Variants in CASK observed in about 807,000 individuals in gnomAD.
CASK encodes peripheral plasma membrane protein CASK.
A neutral mutation model predicts 82.9 loss-of-function variants in CASK; 4 were observed. That is an observed-to-expected ratio of 0.05 (90% CI 0.02 to 0.11). CASK has a LOEUF of 0.11. Ranked by LOEUF, CASK falls within the 10% of genes least tolerant of loss-of-function variation. The pLI, the probability that CASK is intolerant of heterozygous loss-of-function variation, is 1.00. For synonymous variants in CASK, 259 were observed against 253.5 expected (o/e 1.02, Z -0.20); for missense variants, 358 against 720.9 (o/e 0.50, Z 5.76).
intron 5 of CASK, chrX:41,726,868 G>A (rs1440097428): frequency 1.8e-5 from 6 of 339,636 alleles, no homozygotes; most frequent in Admixed American, 5.4e-5. Context: ...ATACTTTCCC[G>A]TTCCATCCAA....
At chrX:41,622,720 A>G (rs752765464) in intron 10 of CASK, 86 bp from the exon 11 acceptor site, 14 of 768,443 alleles carry the variant, frequency 1.8e-5, no homozygotes, top group Middle Eastern at 5.8e-4. Context: ...GGCCCACTAC[A>G]TGAGCCACCA....
chrX:41,661,635 CTT>C (rs1316019651), intron 7 of CASK, among the ~76,000 whole-genome samples: 1 of 110,839 alleles, frequency 9.0e-6, no homozygotes. Flanking sequence ...TGAAAAGTGT[CTT>C]TATGTTGGGG....
intron 1 of CASK, among the ~76,000 whole-genome samples, chrX:41,854,251 C>A (rs1224972335): frequency 9.1e-6 from 1 of 109,831 alleles, no homozygotes; most frequent in East Asian, 2.8e-4. Flanking sequence ...CACACACACA[C>A]ACACACACAC....
At chrX:41,623,113 C>T (rs1023985986) in intron 10 of CASK, among the ~76,000 whole-genome samples, 3 of 110,517 alleles carry the variant, frequency 2.7e-5, no homozygotes, top group South Asian at 3.9e-4. Context: ...AGGCTGGTCT[C>T]GAACTCCTGA....
chrX:41,730,909 T>A (rs1290829324), intron 5 of CASK, among the ~76,000 whole-genome samples: 1 of 111,273 alleles, frequency 9.0e-6, no homozygotes, highest in Non-Finnish European at 1.9e-5. Flanking sequence ...TTCGCCATGT[T>A]ACCCAGGTTG....
chrX:41,727,796 T>C (rs1369867467), intron 5 of CASK: 1 of 1,202,068 alleles, frequency 8.3e-7, no homozygotes, highest in Non-Finnish European at 1.1e-6. Context: ...ATCCAGATTC[T>C]ACTAATAGTT....
chrX:41,554,865 C>T (rs2065141434), intron 20 of CASK, among the ~76,000 whole-genome samples: 1 of 111,680 alleles, frequency 9.0e-6, no homozygotes, highest in Admixed American at 9.5e-5. Context: ...AGATAAAAAT[C>T]CCATAAAAAT....
intron 3 of CASK, among the ~76,000 whole-genome samples, chrX:41,766,423 T>C (rs1166618567): frequency 8.9e-6 from 1 of 112,327 alleles, no homozygotes; most frequent in East Asian, 2.8e-4. Context: ...AAAAAAACTT[T>C]ATATTATGGA....
chrX:41,622,709 C>T (rs369432165), intron 10 of CASK, 75 bp from the exon 11 acceptor site: 14 of 894,703 alleles, frequency 1.6e-5, no homozygotes, highest in East Asian at 6.8e-5. Context: ...AGCCACAGTT[C>T]GGCCCACTAC....
At chrX:41,532,956 GT>G (rs1334242674) in intron 24 of CASK, among the ~76,000 whole-genome samples, 2 of 111,016 alleles carry the variant, frequency 1.8e-5, no homozygotes, top group African/African-American at 3.3e-5. Context: ...GACTACAGGT[GT>G]GTGCCACCAT....
chrX:41,714,146 G>A (rs991248835), intron 5 of CASK, among the ~76,000 whole-genome samples: 8 of 111,458 alleles, frequency 7.2e-5, no homozygotes, highest in Non-Finnish European at 1.5e-4. Flanking sequence ...GAAATTCTGG[G>A]ACTGGGACAG....
intron 3 of CASK, among the ~76,000 whole-genome samples, chrX:41,772,455 C>A (rs1422987171): frequency 9.3e-6 from 1 of 107,447 alleles, no homozygotes; most frequent in African/African-American, 3.4e-5. Flanking sequence ...AAAGAGAAGG[C>A]ACAAATTACC....
At chrX:41,704,203 T>C (rs914136571) in intron 5 of CASK, among the ~76,000 whole-genome samples, 1 of 112,047 alleles carries the variant, frequency 8.9e-6, no homozygotes, top group Admixed American at 9.5e-5. Flanking sequence ...TTATGGTTTC[T>C]TTTGTCAGAC....
intron 1 of CASK, among the ~76,000 whole-genome samples, chrX:41,881,001 C>T (rs1207554121): frequency 9.0e-6 from 1 of 111,550 alleles, no homozygotes; most frequent in Non-Finnish European, 1.9e-5. Context: ...TAGACACACA[C>T]CGCATCCAGC....
chrX:41,555,626 A>G lies in CASK; in HGVS notation c.1816T>C (p.Ser606Pro). Reference sequence around the variant, plus strand: ...TGTCGTCCTTTTGGTTGGGTAGTTGATGGCAAGTCCTGTAGAATAAAGCCA... The same window carrying G: ...TGTCGTCCTTTTGGTTGGGTAGTTGGTGGCAAGTCCTGTAGAATAAAGCCA... ...STNNSVSDLP[S>P]TTQPKGRQIY... The change falls in exon 20 of 27, where the codon TCA becomes CCA. Residue 606 changes from serine (S) to proline (P), a missense_variant. Ser to Pro is a moderately conservative substitution (Grantham distance 74). Transcript: ENST00000378163. The G allele has an allele frequency of 8.3e-7, 1 of 1,203,097 alleles. No individual in the cohort carries two copies. Among genetic ancestry groups the G allele is most frequent in the Non-Finnish European group, 1.1e-6 (1 of 887,634 alleles).
intron 22 of CASK, among the ~76,000 whole-genome samples, chrX:41,541,708 A>C (rs2064947938): frequency 8.9e-6 from 1 of 111,894 alleles, no homozygotes; most frequent in Non-Finnish European, 1.9e-5. Context: ...TACAGAGAAA[A>C]ATGCATTTCA....
intron 4 of CASK, among the ~76,000 whole-genome samples, chrX:41,741,040 G>A (rs965557215): frequency 9.0e-6 from 1 of 110,699 alleles, no homozygotes; most frequent in African/African-American, 3.3e-5. Flanking sequence ...GCGCCACCAC[G>A]CCTGGCTAGT....
intron 8 of CASK, among the ~76,000 whole-genome samples, chrX:41,655,290 A>G (rs918347505): frequency 2.7e-5 from 3 of 111,089 alleles, no homozygotes; most frequent in African/African-American, 9.8e-5. Flanking sequence ...CAAATTCTCC[A>G]TCTGCTCGCC....
chrX:41,696,430 G>T, intron 5 of CASK: 1 of 1,191,644 alleles, frequency 8.4e-7, no homozygotes, highest in South Asian at 1.8e-5. Context: ...ACTACAGCTC[G>T]TAACTCCTTT....
Sources: gnomAD v4.1 joint callset for allele counts (sites outside exome capture counted in the v4.1 genomes callset) on GRCh38, gnomAD v4.1.1 for gene constraint, MANE v1.5 for transcripts, NCBI Gene and HGNC (gene_info 2026-07-23, HGNC 2026-07-21) for gene names.